MBP: variants seen among roughly 807,000 people sequenced by gnomAD.
MBP encodes the protein Golli-MBP.
A neutral mutation model predicts 35.8 loss-of-function variants in MBP; 16 were observed. The observed-to-expected ratio is 0.45, with a 90% CI of 0.30 to 0.68. MBP has a LOEUF of 0.68. MBP is among the 30% of genes least tolerant of loss of function. The probability of loss-of-function intolerance (pLI) is 0.08; values close to 1 mark genes in which losing one functional copy is unlikely to be tolerated. For missense variants in MBP, 380 were observed against 404.7 expected (o/e 0.94, Z 0.52); for synonymous variants, 143 against 159.6 (o/e 0.90, Z 0.78).
intron 3 of MBP, among the ~76,000 whole-genome samples, chr18:77,031,011 C>G (rs1249731777): frequency 6.6e-6 from 1 of 151,950 alleles, no homozygotes; most frequent in Non-Finnish European, 1.5e-5. Context: ...TCAAGAAACT[C>G]TAAAGCCATA....
At chr18:77,129,175 G>C (rs905045886) in intron 1 of MBP, among the ~76,000 whole-genome samples, 2 of 152,198 alleles carry the variant, frequency 1.3e-5, no homozygotes, top group African/African-American at 2.4e-5. Flanking sequence ...ACATAGGTCT[G>C]TTTCTCCTCA....
In MBP at chr18:77,131,435, G is replaced by A. The variant is rs1373131261; in HGVS notation, c.-26+1145C>T. The A allele has an allele frequency of 6.6e-6, 1 of 152,166 alleles. No homozygotes were observed. Among genetic ancestry groups the A allele is most frequent in the Admixed American group, 6.6e-5 (1 of 15,266 alleles). 9.4% of individuals were successfully genotyped at this position (152,166 alleles called of 1,614,324 possible). On this transcript the variant is annotated intron_variant, in intron 1 of 8. Transcript: ENST00000355994. The surrounding 1 kb of genome is among the most constrained non-coding windows in gnomAD (Gnocchi z 5.5). ...CGTTCTGTGGTCAGACGAGGCAGAGGCCTCCCCGGAACGAAGTCCACGCCC... is the reference window on the plus strand; with the variant it reads ...CGTTCTGTGGTCAGACGAGGCAGAGACCTCCCCGGAACGAAGTCCACGCCC...
chr18:77,039,894 C>G (rs1972917067), intron 3 of MBP, among the ~76,000 whole-genome samples: 2 of 152,206 alleles, frequency 1.3e-5, no homozygotes, highest in South Asian at 4.1e-4. Flanking sequence ...AACTGACACC[C>G]TCGACAGCCA....
At chr18:77,057,700 T>C (rs1029080408) in intron 3 of MBP, among the ~76,000 whole-genome samples, 3 of 152,040 alleles carry the variant, frequency 2.0e-5, no homozygotes, top group Non-Finnish European at 4.4e-5. Flanking sequence ...ATTTGAAAAA[T>C]AGCATCTCAA....
At chr18:77,093,871 G>A (rs1325860866) in intron 2 of MBP, among the ~76,000 whole-genome samples, 1 of 152,116 alleles carries the variant, frequency 6.6e-6, no homozygotes, top group African/African-American at 2.4e-5. Flanking sequence ...AACCACACCA[G>A]TACCATGCCT....
intron 3 of MBP, among the ~76,000 whole-genome samples, chr18:77,063,162 G>A (rs1599167951): frequency 6.6e-6 from 1 of 152,166 alleles, no homozygotes; most frequent in Admixed American, 6.5e-5. Context: ...TTGCATATAT[G>A]CCTCCAAGGT....
chr18:77,020,677 G>A lies in MBP; in HGVS notation c.140-3409C>T, dbSNP rs1457492604. ...CTGGTCTCATAGGCTGCCTCGCTTG[G>A]TGCCACCAAGATTCCAGCCTTCAGA... On this transcript the variant is annotated intron_variant, in intron 3 of 8. Coordinates refer to ENST00000355994, the MANE Select transcript of MBP (RefSeq NM_001025101.2). The surrounding 1 kb of genome is among the most constrained non-coding windows in gnomAD (Gnocchi z 4.1). 6.6e-6 allele frequency among the ~76,000 whole-genome samples: 1 copy of A among 152,188 alleles called. No homozygotes were observed. Among genetic ancestry groups the A allele is most frequent in the Non-Finnish European group, 1.5e-5 (1 of 68,028 alleles).
At chr18:77,095,761 C>T (rs1265257922) in intron 2 of MBP, among the ~76,000 whole-genome samples, 2 of 152,218 alleles carry the variant, frequency 1.3e-5, no homozygotes, top group Non-Finnish European at 2.9e-5. Context: ...GCTTCTGGAC[C>T]TGCCTCTGGG....
chr18:77,033,385 C>T (rs1599111699), intron 3 of MBP, among the ~76,000 whole-genome samples: 1 of 152,134 alleles, frequency 6.6e-6, no homozygotes, highest in African/African-American at 2.4e-5. Context: ...AGCTGGAGCT[C>T]CCCCATGCAT....
At chr18:77,029,293 C>G (rs1381393738) in intron 3 of MBP, among the ~76,000 whole-genome samples, 4 of 149,750 alleles carry the variant, frequency 2.7e-5, no homozygotes, top group East Asian at 2.0e-4. Context: ...CGCCTGCAAT[C>G]GCAGGCACTC....
intron 2 of MBP, 84 bp downstream of exon 2, chr18:77,105,127 T>C (rs775812405): frequency 1.5e-6 from 2 of 1,295,122 alleles, no homozygotes; most frequent in African/African-American, 1.5e-5. Flanking sequence ...CAAGAGCCCA[T>C]GCCCGTAGCC....
chr18:77,073,666 T>C (rs756290275), intron 2 of MBP, among the ~76,000 whole-genome samples: 6 of 152,256 alleles, frequency 3.9e-5, no homozygotes, highest in Non-Finnish European at 8.8e-5. Context: ...TCCTAGCCTG[T>C]TCATTATGTA....
At chr18:77,022,395 G>A (rs138109228) in intron 3 of MBP, among the ~76,000 whole-genome samples, 41 of 152,328 alleles carry the variant, frequency 2.7e-4, no homozygotes, top group African/African-American at 8.9e-4. Context: ...GGGAGACTTC[G>A]GTGGCACCGT....
At chr18:76,998,450 C>T (rs751767222) in intron 4 of MBP, among the ~76,000 whole-genome samples, 4 of 152,178 alleles carry the variant, frequency 2.6e-5, no homozygotes, top group Non-Finnish European at 5.9e-5. Context: ...CACCTTCTGG[C>T]TCTAGTTCTC....
At chr18:77,032,775 A>G (rs1011120143) in intron 3 of MBP, among the ~76,000 whole-genome samples, 1 of 152,212 alleles carries the variant, frequency 6.6e-6, no homozygotes, top group Admixed American at 6.5e-5. Flanking sequence ...ACAGACCCAG[A>G]GCAGTCATAA....
At chr18:77,066,628 C>A in intron 2 of MBP, 1 of 711,118 alleles carries the variant, frequency 1.4e-6, no homozygotes, top group Non-Finnish European at 2.6e-6. Flanking sequence ...TAGTTTTATA[C>A]AAAAAAATTG....
In MBP at chr18:76,989,895, A is replaced by G. The variant is rs1969794647; in HGVS notation, c.681+61T>C. ...ACGAACGTCCTGTGTGGATGACAGC[A>G]GTGGCCAGCACCCCTCCTCCCCCTC... On this transcript the variant is annotated intron_variant, in intron 5 of 8. Transcript: ENST00000355994. The surrounding 1 kb of genome is among the most constrained non-coding windows in gnomAD (Gnocchi z 4.0). The G allele has an allele frequency of 3.6e-6, 5 of 1,395,394 alleles. No homozygotes were observed. Among genetic ancestry groups the G allele is most frequent in the Non-Finnish European group, 5.1e-6 (5 of 983,202 alleles). The allele number at this position is 1,395,394 out of a possible 1,614,324, so 86.4% of individuals were successfully genotyped here.
At chr18:77,069,858 T>C (rs923378295) in intron 2 of MBP, among the ~76,000 whole-genome samples, 1 of 152,198 alleles carries the variant, frequency 6.6e-6, no homozygotes, top group African/African-American at 2.4e-5. Flanking sequence ...TGAATAGTGA[T>C]GGCAGACAGG....
intron 3 of MBP, chr18:77,017,900 T>A (rs1163210444): frequency 1.3e-5 from 2 of 152,216 alleles, no homozygotes; most frequent in African/African-American, 4.8e-5. Context: ...ATTGAGATAT[T>A]TCATGTTGTA....
Sources: allele counts gnomAD v4.1 joint callset (sites outside exome capture counted in the v4.1 genomes callset), GRCh38; gene constraint gnomAD v4.1.1; non-coding constraint Gnocchi (gnomAD v3.1); transcripts MANE v1.5; gene names NCBI Gene and HGNC (gene_info 2026-07-23, HGNC 2026-07-21).